PARP4: variants seen among roughly 807,000 people sequenced by gnomAD.
PARP4 encodes the protein poly(ADP-ribose) polymerase family member 4.
A neutral mutation model predicts 187.7 loss-of-function variants in PARP4; 120 were observed. The observed-to-expected ratio is 0.64, with a 90% CI of 0.55 to 0.74. The LOEUF is 0.74. Ranked by LOEUF, PARP4 falls within the 30% of genes least tolerant of loss-of-function variation. The pLI is 0.00. For missense variants in PARP4, 1,836 were observed against 2,070.5 expected, an observed-to-expected ratio of 0.89 and a Z score of 2.20; for synonymous variants, 654 against 740.9, an observed-to-expected ratio of 0.88 and a Z score of 1.90.
At chr13:24,490,591 A>T in intron 10 of PARP4, 77 bp downstream of exon 10, 2 of 1,072,754 alleles carry the variant, frequency 1.9e-6, no homozygotes, top group Non-Finnish European at 2.8e-6. Flanking sequence ...CTAGGTAATT[A>T]CTGTAATTAG....
intron 1 of PARP4, among the ~76,000 whole-genome samples, chr13:24,506,019 A>T (rs1017145309): frequency 1.3e-5 from 2 of 152,180 alleles, no homozygotes; most frequent in Non-Finnish European, 2.9e-5. Context: ...TACAGGCCAG[A>T]GGCCCCACCC....
chr13:24,492,376 C>G (rs1643995977), intron 9 of PARP4, 45 bp downstream of exon 9: 2 of 1,426,168 alleles, frequency 1.4e-6, no homozygotes, highest in Non-Finnish European at 1.9e-6. Context: ...CCCCCACCCT[C>G]AACATATTTT....
chr13:24,424,351 T>C (rs1565983397), intron 33 of PARP4, among the ~76,000 whole-genome samples: 1 of 152,184 alleles, frequency 6.6e-6, no homozygotes, highest in Non-Finnish European at 1.5e-5. Flanking sequence ...CAGGTTCTGC[T>C]CCTCAACCTT....
At chr13:24,509,635 G>A (rs941574025) in intron 1 of PARP4, among the ~76,000 whole-genome samples, 3 of 152,020 alleles carry the variant, frequency 2.0e-5, no homozygotes, top group Admixed American at 2.0e-4. Flanking sequence ...TACATATTAT[G>A]GGTCAATAAA....
intron 1 of PARP4, among the ~76,000 whole-genome samples, chr13:24,509,662 C>T (rs1869892953): frequency 6.6e-6 from 1 of 151,982 alleles, no homozygotes. Flanking sequence ...TTTAAAAAAG[C>T]ACCTGATCCC....
intron 12 of PARP4, among the ~76,000 whole-genome samples, chr13:24,482,064 T>A (rs575913416): frequency 6.6e-6 from 1 of 152,214 alleles, no homozygotes; most frequent in Non-Finnish European, 1.5e-5. Context: ...ACTCTAACTA[T>A]CTTGGGTGAC....
intron 9 of PARP4, 52 bp downstream of exon 9, chr13:24,492,369 C>T: frequency 3.0e-6 from 4 of 1,315,898 alleles, no homozygotes; most frequent in Non-Finnish European, 4.2e-6. Flanking sequence ...CTAAAGACCC[C>T]CACCCTCAAC....
rs538421573 is a variant in PARP4 at position 24,459,924 on chromosome 13, C to T, written c.2298+48G>A. ...ATTCCTCCACAGCCCTCCACCACTCCCCCTCCACTGCTGCCAAAATGCTTC... is the reference window on the plus strand; with the variant it reads ...ATTCCTCCACAGCCCTCCACCACTCTCCCTCCACTGCTGCCAAAATGCTTC... On this transcript the variant is annotated intron_variant, in intron 18 of 33. Coordinates refer to ENST00000381989, the MANE Select transcript of PARP4 (RefSeq NM_006437.4). 8 of 1,547,930 alleles carry T rather than the reference C, an allele frequency of 5.2e-6. No individual in the cohort carries two copies. In the Admixed American group the frequency reaches 7.1e-5, roughly 14 times the overall value.
intron 8 of PARP4, 97 bp from the exon 9 acceptor site, chr13:24,492,691 G>A: frequency 1.0e-6 from 1 of 984,452 alleles, no homozygotes; most frequent in South Asian, 1.9e-5. Flanking sequence ...GACATGTCAA[G>A]ACTATCCATT....
chr13:24,484,877 G>T, intron 11 of PARP4, 129 bp from the exon 12 acceptor site: 1 of 577,484 alleles, frequency 1.7e-6, no homozygotes. Context: ...TGAAGCCATG[G>T]TTGTTTCCGG....
Position 24,435,074 on chromosome 13 carries a change from G to C in PARP4, c.4067C>G (p.Pro1356Arg). ...GAATTGAGATGCATCAAACTGTCTG[G>C]GAGGAGCAGCTGAACCGAAACTAGC... The part of the protein sequence containing the change: ...QVASFGSAAP[P>R]RQFDASQFSQ... The change falls in exon 31 of 34, where the codon CCC becomes CGC. Residue 1356 changes from proline to arginine, a missense_variant. By Grantham distance (103) the Pro-to-Arg change is moderately radical (BLOSUM62 -2). Around this residue, in one of 8 missense-constraint regions of PARP4, gnomAD observed 450 missense variants for 439.2 expected, o/e 1.02. Coordinates refer to ENST00000381989, the MANE Select transcript of PARP4 (RefSeq NM_006437.4). 6.2e-7 allele frequency: 1 copy of C among 1,614,146 alleles called. No homozygotes were observed. Among genetic ancestry groups the C allele is most frequent in the Non-Finnish European group, 8.5e-7 (1 of 1,180,040 alleles).
At chr13:24,423,973 A>T (rs1273866756) in intron 33 of PARP4, among the ~76,000 whole-genome samples, 1 of 151,996 alleles carries the variant, frequency 6.6e-6, no homozygotes. Context: ...ATGCCTGGGT[A>T]ATTACAAAAA....
At chr13:24,439,460 T>C (rs1451532489) in intron 30 of PARP4, among the ~76,000 whole-genome samples, 1 of 151,212 alleles carries the variant, frequency 6.6e-6, no homozygotes, top group East Asian at 1.9e-4. Context: ...CTATGGCCTA[T>C]ATCCCTCCAG....
chr13:24,445,675 A>G (rs754874085), intron 27 of PARP4, among the ~76,000 whole-genome samples: 1 of 152,342 alleles, frequency 6.6e-6, no homozygotes, highest in Non-Finnish European at 1.5e-5. Flanking sequence ...TCTTTACAAT[A>G]AATCAGTAAT....
In PARP4 at chr13:24,466,171, G is replaced by A. The variant is rs80232449; in HGVS notation, c.2133+2853C>T. Among the ~76,000 whole-genome samples, 24 of 152,282 alleles carry A rather than the reference G, an allele frequency of 1.6e-4. No individual in the cohort carries two copies. The East Asian group carries it at 2.3e-3, about 15-fold the overall frequency. ...CACATATTTAACATGTGGCTTTAGA[G>A]CAACAATCAAAACTTAATTTTTTTA... On this transcript the variant is annotated intron_variant, in intron 17 of 33. Transcript: ENST00000381989.
At position 24,510,038 on chromosome 13, in the gene PARP4, T is replaced by C. The variant is rs138465216; in HGVS notation, c.-2+2668A>G. On this transcript the variant is annotated intron_variant, in intron 1 of 33. Coordinates refer to ENST00000381989, the MANE Select transcript of PARP4 (RefSeq NM_006437.4). ...TTTTAATTTTTTTGGTGTTATTATT[T>C]CTTGTATCATTGTATTTTCTAAATT... Among the ~76,000 whole-genome samples, 530 of 152,304 alleles carry C rather than the reference T, an allele frequency of 3.5e-3. 1 individual carries two copies. Among genetic ancestry groups the C allele is most frequent in the Non-Finnish European group, 5.9e-3 (402 of 68,030 alleles).
At chr13:24,505,878 G>A (rs1422175812) in intron 1 of PARP4, among the ~76,000 whole-genome samples, 1 of 152,222 alleles carries the variant, frequency 6.6e-6, no homozygotes, top group African/African-American at 2.4e-5. Flanking sequence ...TGTTAGCTTG[G>A]GCAGGCAGGT....
intron 33 of PARP4, among the ~76,000 whole-genome samples, chr13:24,423,870 TG>T (rs1869885647): frequency 6.6e-6 from 1 of 152,102 alleles, no homozygotes; most frequent in South Asian, 2.1e-4. Context: ...TCTTGCTATG[TG>T]GTCAAGGCTG....
At chr13:24,512,572 G>A (rs1870078235) in intron 1 of PARP4, 134 bp downstream of exon 1, 1 of 152,372 alleles carries the variant, frequency 6.6e-6, no homozygotes, top group Non-Finnish European at 1.5e-5. Flanking sequence ...GAGCCTAGCA[G>A]CGCCGTCAGG....
Sources: gnomAD v4.1 joint callset for allele counts (sites outside exome capture counted in the v4.1 genomes callset) on GRCh38, gnomAD v4.1.1 for gene constraint, gnomAD v4.1.1 regional missense constraint, MANE v1.5 for transcripts, NCBI Gene and HGNC (gene_info 2026-07-23, HGNC 2026-07-21) for gene names.